Variants in NPAS3 observed in about 807,000 individuals in gnomAD.
NPAS3 encodes neuronal PAS domain-containing protein 3.
A neutral mutation model predicts 73.1 loss-of-function variants in NPAS3; 14 were observed. The observed-to-expected ratio is 0.19, with a 90% CI of 0.13 to 0.30. NPAS3 has a LOEUF of 0.30. Ranked by LOEUF, NPAS3 falls within the 10% of genes least tolerant of loss-of-function variation. The pLI is 1.00. For synonymous variants in NPAS3, 620 were observed against 541.5 expected (o/e 1.14, Z -2.01); for missense variants, 1,096 against 1,250.0 (o/e 0.88, Z 1.86).
chr14:33,617,970 G>C (rs146263353), intron 5 of NPAS3, among the ~76,000 whole-genome samples: 14 of 152,322 alleles, frequency 9.2e-5, no homozygotes, highest in Admixed American at 3.3e-4. Context: ...CTCAGCAATA[G>C]CTTTTAGGCA....
intron 9 of NPAS3, among the ~76,000 whole-genome samples, chr14:33,789,310 T>G (rs2063276020): frequency 6.6e-6 from 1 of 152,084 alleles, no homozygotes; most frequent in Admixed American, 6.5e-5. Context: ...ACTTGGAGGG[T>G]GGGATGGTGC....
At chr14:33,297,040 A>G (rs924291778) in intron 3 of NPAS3, among the ~76,000 whole-genome samples, 10 of 152,262 alleles carry the variant, frequency 6.6e-5, no homozygotes, top group African/African-American at 1.7e-4. Context: ...TTCTCTCTGC[A>G]TACTTAGTGA....
intron 1 of NPAS3, among the ~76,000 whole-genome samples, chr14:32,972,571 G>C (rs1310189490): frequency 6.6e-6 from 1 of 152,142 alleles, no homozygotes; most frequent in Non-Finnish European, 1.5e-5. Flanking sequence ...TGTAAGTACA[G>C]ATGGTTGCCA....
chr14:33,780,507 G>T, intron 9 of NPAS3: 1 of 396,832 alleles, frequency 2.5e-6, no homozygotes, highest in Non-Finnish European at 4.9e-6. Flanking sequence ...TCTCATTTTG[G>T]AATCTTAATT....
chr14:33,770,733 C>G (rs1595582658), intron 7 of NPAS3, among the ~76,000 whole-genome samples: 1 of 152,154 alleles, frequency 6.6e-6, no homozygotes, highest in Non-Finnish European at 1.5e-5. Context: ...AACCCAGTCT[C>G]TACTAAAAAT....
intron 2 of NPAS3, among the ~76,000 whole-genome samples, chr14:33,067,613 C>T (rs1482289661): frequency 6.6e-6 from 1 of 152,228 alleles, no homozygotes; most frequent in East Asian, 1.9e-4. Context: ...TCAAAGCAAC[C>T]TAGTGAACTG....
At chr14:33,367,251 G>A in exon 4 of NPAS3, 1 of 865,956 alleles carries the variant, frequency 1.2e-6, no homozygotes, top group Admixed American at 1.7e-5. Flanking sequence ...AGCACATTTG[G>A]GAAGCCACAT....
chr14:33,237,574 C>T (rs753079927), intron 3 of NPAS3, among the ~76,000 whole-genome samples: 2 of 152,006 alleles, frequency 1.3e-5, no homozygotes, highest in Non-Finnish European at 2.9e-5. Flanking sequence ...TGCCCATAGG[C>T]TTTGCATAAC....
rs190316152 is a variant in NPAS3, at chr14:33,021,597, C to A, written c.51-34308C>A. On this transcript the variant is annotated intron_variant, in intron 1 of 11. Coordinates refer to ENST00000356141, the Ensembl canonical transcript of NPAS3. ...ACATGTGTGCACCCACCCCCTTGCC[C>A]CTCTAAACTTCCTAAATCCCACCTA... is the stretch of plus-strand genomic sequence containing the variant. Among the ~76,000 whole-genome samples, 35 of 152,154 alleles carry A rather than the reference C, an allele frequency of 2.3e-4. 1 individual carries two copies. Among genetic ancestry groups the A allele is most frequent in the Admixed American group, 4.6e-4 (7 of 15,268 alleles).
chr14:33,804,025 A>G (rs1377179518), downstream of NPAS3: 1 of 152,222 alleles, frequency 6.6e-6, no homozygotes, highest in Non-Finnish European at 1.5e-5. Context: ...AATGCTGCAA[A>G]TCAGAAATGT....
intron 5 of NPAS3, among the ~76,000 whole-genome samples, chr14:33,659,166 T>C (rs996615223): frequency 2.6e-4 from 39 of 152,360 alleles, no homozygotes; most frequent in Non-Finnish European, 1.0e-4. Context: ...TGAATGAATA[T>C]ACACTTACAC....
At chr14:33,585,186 A>G (rs2056819211) in intron 5 of NPAS3, among the ~76,000 whole-genome samples, 1 of 152,192 alleles carries the variant, frequency 6.6e-6, no homozygotes. Context: ...TCATCTAGAA[A>G]GATAGGTGAA....
intron 4 of NPAS3, among the ~76,000 whole-genome samples, chr14:33,375,520 A>ATATTTAAAT (rs1443450522): frequency 1.3e-5 from 2 of 152,216 alleles, no homozygotes; most frequent in African/African-American, 2.4e-5. Context: ...ATAATTTTGC[A>ATATTTAAAT]TATTTAAATT....
intron 5 of NPAS3, among the ~76,000 whole-genome samples, chr14:33,567,219 C>T (rs2056000053): frequency 6.6e-6 from 1 of 152,186 alleles, no homozygotes; most frequent in African/African-American, 2.4e-5. Flanking sequence ...CTGACACCCT[C>T]AGTTCACCAT....
intron 2 of NPAS3, among the ~76,000 whole-genome samples, chr14:33,166,662 T>C (rs1595590483): frequency 6.6e-6 from 1 of 152,200 alleles, no homozygotes; most frequent in South Asian, 2.1e-4. Flanking sequence ...GCCCCTTTGA[T>C]AGACATATTG....
intron 4 of NPAS3, among the ~76,000 whole-genome samples, chr14:33,558,746 C>T (rs55893223): frequency 0.1 from 15,282 of 151,774 alleles, 827 homozygotes; most frequent in Non-Finnish European, 0.11. Context: ...TAAATTTACA[C>T]GCTTCTTCCA....
chr14:32,936,402 T>C (rs1024627184), upstream of NPAS3, among the ~76,000 whole-genome samples: 1 of 152,200 alleles, frequency 6.6e-6, no homozygotes, highest in Non-Finnish European at 1.5e-5. Flanking sequence ...CTTGTTTTAC[T>C]TCAGTGATTA....
At chr14:33,033,346 G>T (rs925894161) in intron 1 of NPAS3, among the ~76,000 whole-genome samples, 6 of 151,960 alleles carry the variant, frequency 3.9e-5, no homozygotes, top group Admixed American at 1.3e-4. Flanking sequence ...AGGGGTGGTG[G>T]TGGGTGCCTG....
chr14:33,241,553 T>G (rs1337763564), intron 3 of NPAS3, among the ~76,000 whole-genome samples: 2 of 151,986 alleles, frequency 1.3e-5, no homozygotes, highest in Admixed American at 6.6e-5. Flanking sequence ...AAGCACAGCA[T>G]GAAGCTCAAA....
Sources: allele counts gnomAD v4.1 joint callset (sites outside exome capture counted in the v4.1 genomes callset), GRCh38; gene constraint gnomAD v4.1.1; transcripts MANE v1.5; gene names NCBI Gene and HGNC (gene_info 2026-07-23, HGNC 2026-07-21).